The following ENTREP2 variants were observed in gnomAD, a reference collection of about 807,000 sequenced individuals.
The protein encoded by ENTREP2 is protein ENTREP2.
At chr15:29,218,119 C>A in the ENTREP2 span, among the ~76,000 whole-genome samples, 1 of 152,124 alleles carries the variant, frequency 6.6e-6, no homozygotes, top group Non-Finnish European at 1.5e-5. Context: ...GGTCTCTCAG[C>A]GTGGATATCA....
the ENTREP2 span, among the ~76,000 whole-genome samples, chr15:29,586,791 G>A: frequency 2.0e-5 from 3 of 151,942 alleles, no homozygotes; most frequent in African/African-American, 7.2e-5. Flanking sequence ...AGAAAGTATA[G>A]TATGCTCTGA....
chr15:29,442,521 C>T, the ENTREP2 span, among the ~76,000 whole-genome samples: 4 of 152,148 alleles, frequency 2.6e-5, no homozygotes, highest in East Asian at 1.9e-4. Flanking sequence ...AGTACTCTGC[C>T]GAGAACCAGT....
At chr15:29,455,977 C>A in the ENTREP2 span, among the ~76,000 whole-genome samples, 1 of 152,216 alleles carries the variant, frequency 6.6e-6, no homozygotes, top group Non-Finnish European at 1.5e-5. Context: ...AAGCTCAGGG[C>A]TCCCACTGAT....
the ENTREP2 span, among the ~76,000 whole-genome samples, chr15:29,564,018 T>G: frequency 6.6e-6 from 1 of 152,172 alleles, no homozygotes; most frequent in Non-Finnish European, 1.5e-5. Flanking sequence ...GAATAAATGT[T>G]GCATGAGGCT....
At chr15:29,187,693 TCTGA>T in the ENTREP2 span, among the ~76,000 whole-genome samples, 1 of 152,178 alleles carries the variant, frequency 6.6e-6, no homozygotes, top group East Asian at 1.9e-4. Context: ...AAAAATTTTC[TCTGA>T]ATGAATAAAT....
chr15:29,657,844 A>G, the ENTREP2 span, among the ~76,000 whole-genome samples: 1 of 152,172 alleles, frequency 6.6e-6, no homozygotes, highest in Non-Finnish European at 1.5e-5. Flanking sequence ...TGTATGAAAT[A>G]CTATCTATAG....
the ENTREP2 span, among the ~76,000 whole-genome samples, chr15:29,230,444 A>C: frequency 2.6e-5 from 4 of 152,220 alleles, no homozygotes; most frequent in Non-Finnish European, 5.9e-5. Context: ...AATTATAGTA[A>C]ATGAAAATAT....
At chr15:29,179,681 C>T in the ENTREP2 span, among the ~76,000 whole-genome samples, 1 of 151,358 alleles carries the variant, frequency 6.6e-6, no homozygotes, top group Non-Finnish European at 1.5e-5. Flanking sequence ...CCCGGGTTCA[C>T]GCCATTCTCC....
At chr15:29,126,289 G>C in the ENTREP2 span, 2 of 1,484,580 alleles carry the variant, frequency 1.3e-6, no homozygotes, top group Non-Finnish European at 9.0e-7. Flanking sequence ...ATGTGCACAA[G>C]GTGGGGTCGC....
At chr15:29,191,564 C>T in the ENTREP2 span, among the ~76,000 whole-genome samples, 4 of 152,060 alleles carry the variant, frequency 2.6e-5, no homozygotes, top group East Asian at 2.0e-4. Flanking sequence ...AAGATCACAT[C>T]GCAAGCAGAG....
the ENTREP2 span, among the ~76,000 whole-genome samples, chr15:29,456,513 G>C: frequency 6.6e-6 from 1 of 152,172 alleles, no homozygotes; most frequent in Non-Finnish European, 1.5e-5. Context: ...TTCTAAGTCA[G>C]TCGGCTGCCA....
At chr15:29,319,748 T>TA in the ENTREP2 span, among the ~76,000 whole-genome samples, 6 of 152,276 alleles carry the variant, frequency 3.9e-5, no homozygotes, top group African/African-American at 1.4e-4. Flanking sequence ...ATGCACAGGG[T>TA]CCCGGCTGAG....
At chr15:29,181,950 G>T in the ENTREP2 span, among the ~76,000 whole-genome samples, 10 of 152,024 alleles carry the variant, frequency 6.6e-5, no homozygotes, top group African/African-American at 2.4e-4. Context: ...CCATTCCATT[G>T]TGTTGAAAGT....
chr15:29,493,211 G>C, the ENTREP2 span, among the ~76,000 whole-genome samples: 1 of 112,500 alleles, frequency 8.9e-6, no homozygotes, highest in Non-Finnish European at 1.7e-5. Flanking sequence ...TCGGCTCACT[G>C]CAAGCTCCGC....
the ENTREP2 span, among the ~76,000 whole-genome samples, chr15:29,491,669 C>A: frequency 6.6e-6 from 1 of 152,186 alleles, no homozygotes; most frequent in African/African-American, 2.4e-5. Flanking sequence ...TTTCCTTCAA[C>A]TTCTCTCACA....
the ENTREP2 span, among the ~76,000 whole-genome samples, chr15:29,124,085 C>CA: frequency 3.7e-4 from 54 of 147,658 alleles, no homozygotes; most frequent in Admixed American, 1.5e-3. Flanking sequence ...AACATGAGAC[C>CA]GCCCCCCCCA....
chr15:29,234,369 T>C, the ENTREP2 span: 1 of 1,572,650 alleles, frequency 6.4e-7, no homozygotes. Flanking sequence ...CACAGAAATG[T>C]CACTCTGCAG....
At chr15:29,155,901 T>C in the ENTREP2 span, among the ~76,000 whole-genome samples, 1 of 152,076 alleles carries the variant, frequency 6.6e-6, no homozygotes, top group Non-Finnish European at 1.5e-5. Context: ...GGCTTTTTTG[T>C]TTGCGTTTTC....
At chr15:29,590,943 C>T in the ENTREP2 span, among the ~76,000 whole-genome samples, 1 of 152,188 alleles carries the variant, frequency 6.6e-6, no homozygotes, top group Non-Finnish European at 1.5e-5. Flanking sequence ...GTTTAACAAA[C>T]TGCTGTGTAA....
Sources: allele counts gnomAD v4.1 joint callset (sites outside exome capture counted in the v4.1 genomes callset), GRCh38; gene constraint gnomAD v4.1.1; transcripts MANE v1.5; gene names NCBI Gene and HGNC (gene_info 2026-07-23, HGNC 2026-07-21).